ZNF423: variants seen among roughly 807,000 people sequenced by gnomAD.
ZNF423 encodes the protein Ebf-associated zinc finger protein.
ZNF423 carries 12 observed loss-of-function variants against 95.8 expected under a neutral mutation model. The observed-to-expected ratio is 0.13, with a 90% CI of 0.08 to 0.20. The LOEUF (loss-of-function observed/expected upper bound fraction) is 0.20, where lower values mean the gene tolerates loss of function less well. Among genes scored for constraint, ZNF423 ranks in the 10% least tolerant of loss-of-function variants. ZNF423 has a pLI of 1.00. For missense variants in ZNF423, 1,316 were observed against 1,737.1 expected (o/e 0.76, Z 4.31); for synonymous variants, 749 against 711.9 (o/e 1.05, Z -0.83).
chr16:49,797,423 A>G (rs979189175), intron 1 of ZNF423, among the ~76,000 whole-genome samples: 1 of 152,230 alleles, frequency 6.6e-6, no homozygotes, highest in East Asian at 1.9e-4. Flanking sequence ...AGCATAGCCA[A>G]TCACTTTTCT....
intron 5 of ZNF423, among the ~76,000 whole-genome samples, chr16:49,557,233 C>G (rs1201772386): frequency 1.3e-5 from 2 of 152,342 alleles, no homozygotes; most frequent in East Asian, 1.9e-4. Flanking sequence ...AGGGCGCGAG[C>G]AGCTCCCCAG....
At chr16:49,510,629 G>T (rs913790935) in intron 7 of ZNF423, among the ~76,000 whole-genome samples, 1 of 152,178 alleles carries the variant, frequency 6.6e-6, no homozygotes, top group Non-Finnish European at 1.5e-5. Context: ...CTGTGTCTGT[G>T]TCTATGTCTG....
intron 5 of ZNF423, among the ~76,000 whole-genome samples, chr16:49,584,373 T>G (rs1482964962): frequency 6.6e-6 from 1 of 152,126 alleles, no homozygotes; most frequent in Non-Finnish European, 1.5e-5. Flanking sequence ...ATCCTGTACT[T>G]TGTCCAAAAA....
chr16:49,740,010 C>G (rs185784657), intron 2 of ZNF423, among the ~76,000 whole-genome samples: 4 of 152,018 alleles, frequency 2.6e-5, no homozygotes, highest in African/African-American at 9.6e-5. Context: ...AGGCGCCTGC[C>G]AACGCACTCG....
upstream of ZNF423, among the ~76,000 whole-genome samples, chr16:49,858,322 C>G (rs892031520): frequency 6.6e-6 from 1 of 151,420 alleles, no homozygotes; most frequent in Non-Finnish European, 1.5e-5. This position sits in a 1 kb window ranked among gnomAD's most constrained non-coding sequence, Gnocchi z 4.3. Flanking sequence ...CCGCTCAGCT[C>G]TCTCCGCGGT....
intron 6 of ZNF423, 150 bp from the exon 7 acceptor site, chr16:49,523,889 A>G (rs555698323): frequency 7.7e-6 from 5 of 646,186 alleles, no homozygotes; most frequent in South Asian, 5.5e-5. Flanking sequence ...CTTAGCACAT[A>G]CTAGAGGAGG....
At chr16:49,612,947 T>C (rs1332662542) in intron 5 of ZNF423, among the ~76,000 whole-genome samples, 1 of 150,638 alleles carries the variant, frequency 6.6e-6, no homozygotes, top group African/African-American at 2.4e-5. Flanking sequence ...TTAAAATAAT[T>C]AGATACATCT....
At chr16:49,572,213 A>T (rs1273461352) in intron 5 of ZNF423, among the ~76,000 whole-genome samples, 2 of 152,148 alleles carry the variant, frequency 1.3e-5, no homozygotes, top group African/African-American at 4.8e-5. Flanking sequence ...TGAGCAGGAG[A>T]CTTGCAAACA....
chr16:49,535,438 G>A (rs1969027622), intron 5 of ZNF423, among the ~76,000 whole-genome samples: 1 of 152,238 alleles, frequency 6.6e-6, no homozygotes, highest in African/African-American at 2.4e-5. Context: ...TGAGCGATCA[G>A]CAATCATGAC....
At chr16:49,645,769 G>T (rs1013734049) in intron 3 of ZNF423, among the ~76,000 whole-genome samples, 2 of 152,194 alleles carry the variant, frequency 1.3e-5, no homozygotes, top group African/African-American at 4.8e-5. Flanking sequence ...TGAATCATGG[G>T]GGTGGTTTCC....
chr16:49,515,739 A>C (rs1278507242), intron 7 of ZNF423, among the ~76,000 whole-genome samples: 1 of 152,170 alleles, frequency 6.6e-6, no homozygotes, highest in Non-Finnish European at 1.5e-5. Context: ...TAAGCCGCAT[A>C]TGACCCTCAT....
At chr16:49,646,574 C>CTTTTTTTTTTTTTTTTTTTTGTTTTTTT (rs71380366) in intron 3 of ZNF423, among the ~76,000 whole-genome samples, 1 of 118,010 alleles carries the variant, frequency 8.5e-6, no homozygotes, top group Non-Finnish European at 1.9e-5. Flanking sequence ...TTTTCTTTTT[C>CTTTTTTTTTTTTTTTTTTTTGTTTTTTT]TTTTTTTTTT....
In ZNF423 at chr16:49,730,796, G is replaced by A; in HGVS notation, c.276C>T (p.Asp92=). 6.2e-7 allele frequency: 1 copy of A among 1,614,230 alleles called. No individual in the cohort carries two copies. Among genetic ancestry groups the A allele is most frequent in the Non-Finnish European group, 8.5e-7 (1 of 1,180,048 alleles). The part of the protein sequence containing the change: ...QDFESLADLT[D]HRAHRCPGDG... Reference sequence around the variant, plus strand: ...CTCCAGGACAGCGGTGGGCCCGGTGGTCCGTCAGGTCTGCCAGAGACTCGA... The same window carrying A: ...CTCCAGGACAGCGGTGGGCCCGGTGATCCGTCAGGTCTGCCAGAGACTCGA... The change falls in exon 3 of 8, where the codon GAC becomes GAT. Residue 92 remains aspartate, a synonymous_variant. Transcript: ENST00000563137.
At position 49,774,714 on chromosome 16, in the gene ZNF423, A is replaced by C. The variant is rs1157151543; in HGVS notation, c.100+14773T>G. Among the ~76,000 whole-genome samples, 3 of 152,142 alleles carry C rather than the reference A, an allele frequency of 2.0e-5. No individual in the cohort carries two copies. The East Asian group carries it at 5.8e-4, about 29-fold the overall frequency. ...CCCCAGGCCTATCGGAATAAACCAC[A>C]GCCAAATGACAGTCTGGGCAAGGGG... On this transcript the variant is annotated intron_variant, in intron 2 of 7. Coordinates refer to ENST00000563137, the MANE Select transcript of ZNF423 (RefSeq NM_001379286.1).
At chr16:49,652,104 C>A (rs1973430043) in intron 3 of ZNF423, among the ~76,000 whole-genome samples, 2 of 152,146 alleles carry the variant, frequency 1.3e-5, no homozygotes, top group African/African-American at 4.8e-5. Flanking sequence ...GGATGTGGGT[C>A]CCTCAGCTCA....
At chr16:49,804,410 T>C (rs2034630376) in intron 1 of ZNF423, among the ~76,000 whole-genome samples, 1 of 152,148 alleles carries the variant, frequency 6.6e-6, no homozygotes, top group African/African-American at 2.4e-5. Context: ...AAAAATCTAA[T>C]CAAATTGAAT....
In ZNF423 at chr16:49,638,996, G is replaced by A; in HGVS notation, c.302-122C>T. On this transcript the variant is annotated intron_variant, in intron 3 of 7. Coordinates refer to ENST00000563137, the MANE Select transcript of ZNF423 (RefSeq NM_001379286.1). This position sits in a 1 kb window ranked among gnomAD's most constrained non-coding sequence, Gnocchi z 5.6. ...GTGCAGCTGGCCAACGGCTGCAGGG[G>A]GCTGTGGGGAGGGGCAGGGGCCGGA... 3 of 1,444,786 alleles carry A rather than the reference G, an allele frequency of 2.1e-6. No individual in the cohort carries two copies. The highest frequency in any genetic ancestry group is 2.7e-6 in the Non-Finnish European group (3 of 1,102,850). The allele number at this position is 1,444,786 out of a possible 1,614,324, so 89.5% of individuals were successfully genotyped here.
At chr16:49,780,986 G>A (rs1375807983) in intron 2 of ZNF423, among the ~76,000 whole-genome samples, 2 of 152,210 alleles carry the variant, frequency 1.3e-5, no homozygotes, top group Admixed American at 1.3e-4. Flanking sequence ...AAGCCAAAGG[G>A]CGCCCAGGCA....
intron 5 of ZNF423, among the ~76,000 whole-genome samples, chr16:49,558,642 A>G (rs1197951154): frequency 1.3e-5 from 2 of 152,178 alleles, no homozygotes; most frequent in Non-Finnish European, 2.9e-5. Context: ...TAAGGGATCC[A>G]CACACACCCA....
Sources: allele counts gnomAD v4.1 joint callset (sites outside exome capture counted in the v4.1 genomes callset), GRCh38; gene constraint gnomAD v4.1.1; non-coding constraint Gnocchi (gnomAD v3.1); transcripts MANE v1.5; gene names NCBI Gene and HGNC (gene_info 2026-07-23, HGNC 2026-07-21).